Variants in SYT7 observed in about 807,000 individuals in gnomAD.
SYT7 encodes the protein synaptotagmin 7.
A neutral mutation model predicts 75.1 loss-of-function variants in SYT7; 29 were observed. That is an observed-to-expected ratio of 0.39 (90% CI 0.29 to 0.53). The LOEUF is 0.53. Ranked by LOEUF, SYT7 falls within the 20% of genes least tolerant of loss-of-function variation. SYT7 has a pLI of 0.77. For synonymous variants in SYT7, 376 were observed against 401.7 expected, an observed-to-expected ratio of 0.94 and a Z score of 0.76; for missense variants, 693 against 953.2, an observed-to-expected ratio of 0.73 and a Z score of 3.59.
At chr11:61,538,378 AGAGAGAGAGAAAG>A in intron 6 of SYT7, 112 bp from the exon 7 acceptor site, 1 of 913,792 alleles carries the variant, frequency 1.1e-6, no homozygotes, top group South Asian at 1.8e-5. Flanking sequence ...AGAGAGAGAG[AGAGAGAGAGAAAG>A]AGAGAGAGAG....
chr11:61,540,042 CCCCAGTT>C (rs766179989), intron 6 of SYT7: 10 of 152,110 alleles, frequency 6.6e-5, no homozygotes, highest in African/African-American at 1.2e-4. Context: ...CATGTTTTTT[CCCCAGTT>C]AATGCATTTT....
chr11:61,548,663 G>T (rs1237629922), intron 3 of SYT7, among the ~76,000 whole-genome samples: 1 of 152,172 alleles, frequency 6.6e-6, no homozygotes, highest in Admixed American at 6.5e-5. Flanking sequence ...GGGTGCCAGC[G>T]GGGGCACACC....
chr11:61,554,029 G>A (rs1349932873), intron 2 of SYT7, among the ~76,000 whole-genome samples: 1 of 152,110 alleles, frequency 6.6e-6, no homozygotes, highest in Admixed American at 6.5e-5. Flanking sequence ...TCCACAGCAA[G>A]TCAAGAGGGA....
chr11:61,530,408 C>A (rs762444954), intron 8 of SYT7, among the ~76,000 whole-genome samples: 1 of 152,186 alleles, frequency 6.6e-6, no homozygotes, highest in Non-Finnish European at 1.5e-5. Flanking sequence ...TGCTTTTTCC[C>A]GACGCTCTTT....
intron 1 of SYT7, among the ~76,000 whole-genome samples, chr11:61,568,944 C>G (rs2063847670): frequency 6.6e-6 from 1 of 152,232 alleles, no homozygotes; most frequent in African/African-American, 2.4e-5. Context: ...ACACAGTGAG[C>G]TGTGGAACCA....
chr11:61,584,394 C>CAA (rs35108570), upstream of SYT7, among the ~76,000 whole-genome samples: 1,449 of 135,430 alleles, frequency 0.011, 45 homozygotes, highest in Admixed American at 0.064. Flanking sequence ...GACTCCGTCT[C>CAA]AAAAAAAAAA....
intron 2 of SYT7, among the ~76,000 whole-genome samples, chr11:61,552,583 A>C (rs553489733): frequency 3.3e-5 from 5 of 152,322 alleles, no homozygotes; most frequent in South Asian, 2.1e-4. Context: ...TCTCTAAAGC[A>C]GAGTAAGAGC....
In SYT7 at chr11:61,546,824, G is replaced by A. The variant is rs1196807016; in HGVS notation, c.347+353C>T. On this transcript the variant is annotated intron_variant, in intron 4 of 12. Coordinates refer to ENST00000539008, the MANE Select transcript of SYT7 (RefSeq NM_001365809.2). This position sits in a 1 kb window ranked among gnomAD's most constrained non-coding sequence, Gnocchi z 7.6. Reference sequence around the variant, plus strand: ...CAGCACACAGCGGGGAGGAAGAAGCGACCACAACCGAGGGGGCGGGACCCA... The same window carrying A: ...CAGCACACAGCGGGGAGGAAGAAGCAACCACAACCGAGGGGGCGGGACCCA... Among the ~76,000 whole-genome samples the A allele has an allele frequency of 2.0e-5, 3 of 152,046 alleles. No individual in the cohort carries two copies. The highest frequency in any genetic ancestry group is 6.5e-5 in the Admixed American group (1 of 15,278).
chr11:61,564,977 T>C (rs2063729327), intron 1 of SYT7, among the ~76,000 whole-genome samples: 1 of 152,194 alleles, frequency 6.6e-6, no homozygotes, highest in Admixed American at 6.5e-5. Context: ...CCCAGGGACT[T>C]GCCCAGGGCT....
chr11:61,568,362 G>T (rs774844155), intron 1 of SYT7, among the ~76,000 whole-genome samples: 1 of 152,234 alleles, frequency 6.6e-6, no homozygotes, highest in South Asian at 2.1e-4. Flanking sequence ...CTGGAGTCAA[G>T]GGAGTCAAGA....
At chr11:61,519,871 A>T (rs1010649926) in intron 12 of SYT7, among the ~76,000 whole-genome samples, 1 of 152,104 alleles carries the variant, frequency 6.6e-6, no homozygotes, top group African/African-American at 2.4e-5. Flanking sequence ...CCCAGGCTAG[A>T]GTGTAATGGC....
intron 3 of SYT7, among the ~76,000 whole-genome samples, chr11:61,550,211 G>T (rs1237249476): frequency 6.6e-6 from 1 of 152,106 alleles, no homozygotes; most frequent in Non-Finnish European, 1.5e-5. Flanking sequence ...GCCTCCTCTT[G>T]CCCCACCCCA....
chr11:61,538,083 G>C (rs975136185), intron 7 of SYT7, 61 bp downstream of exon 7: 1 of 1,527,714 alleles, frequency 6.5e-7, no homozygotes, highest in Non-Finnish European at 8.8e-7. Flanking sequence ...GTCGAGGCAG[G>C]CGGCCTCTCC....
In SYT7 at chr11:61,553,166, G is replaced by A. The variant is rs2063401165; in HGVS notation, c.136-1703C>T. Among the ~76,000 whole-genome samples the A allele has an allele frequency of 6.6e-6, 1 of 152,138 alleles. No individual in the cohort carries two copies. Among genetic ancestry groups the A allele is most frequent in the Non-Finnish European group, 1.5e-5 (1 of 68,006 alleles). ...AGCTGCCACTCACAGCTCCAACTCC[G>A]ATCCCTCCCATCACTACCCAGAGGT... On this transcript the variant is annotated intron_variant, in intron 2 of 12. Coordinates refer to ENST00000539008, the MANE Select transcript of SYT7 (RefSeq NM_001365809.2). The surrounding 1 kb of genome is among the most constrained non-coding windows in gnomAD (Gnocchi z 5.2).
chr11:61,548,164 G>A (rs1371022153), intron 3 of SYT7, among the ~76,000 whole-genome samples: 1 of 152,240 alleles, frequency 6.6e-6, no homozygotes, highest in Non-Finnish European at 1.5e-5. Flanking sequence ...CCTTGCTGAG[G>A]ATGTCACTAA....
chr11:61,523,863 G>T lies in SYT7; in HGVS notation c.1720C>A (p.Arg574=), dbSNP rs372623413. ...CCGATGTCCATGGCTTTGAGGTTCC[G>T]GGCTTTGATGATGTTCACGATGATG... is the stretch of plus-strand genomic sequence containing the variant. ...NSIIVNIIKA[R]NLKAMDIGGT... The change falls in exon 11 of 13, where the codon CGG becomes AGG. Residue 574 remains arginine (R), a synonymous_variant. Coordinates refer to ENST00000539008, the MANE Select transcript of SYT7 (RefSeq NM_001365809.2). The surrounding 1 kb of genome is among the most constrained non-coding windows in gnomAD (Gnocchi z 5.0). 3.1e-6 allele frequency: 5 copies of T among 1,613,994 alleles called. No homozygotes were observed. In the East Asian group the frequency reaches 8.9e-5, roughly 29 times the overall value.
rs927750465 is a variant in SYT7, at chr11:61,513,997, T to C, written c.*4630A>G. Among the ~76,000 whole-genome samples the C allele has an allele frequency of 6.6e-5, 10 of 151,288 alleles. No individual in the cohort carries two copies. The highest frequency in any genetic ancestry group is 2.2e-4 in the African/African-American group (9 of 41,028). On this transcript the variant is annotated 3_prime_UTR_variant, in exon 13 of 13. Coordinates refer to ENST00000539008, the MANE Select transcript of SYT7 (RefSeq NM_001365809.2). The stretch of plus-strand genomic sequence containing the variant: ...AGGACAGCCTTCCAGAAAGCAGCAG[T>C]ATCCAGGGGGGGACTCACAGGAGAA...
At chr11:61,532,444 G>C (rs1208523400) in intron 8 of SYT7, among the ~76,000 whole-genome samples, 1 of 152,146 alleles carries the variant, frequency 6.6e-6, no homozygotes, top group Non-Finnish European at 1.5e-5. Flanking sequence ...GTGGACAGGA[G>C]CCCCCATCAC....
the SYT7 span, among the ~76,000 whole-genome samples, chr11:61,587,996 GGAGTTGAA>G: frequency 6.6e-6 from 1 of 152,176 alleles, no homozygotes; most frequent in Non-Finnish European, 1.5e-5. Context: ...TGCCCTAACT[GGAGTTGAA>G]GACCTTAGTG....
Sources: gnomAD v4.1 joint callset for allele counts (sites outside exome capture counted in the v4.1 genomes callset) on GRCh38, gnomAD v4.1.1 for gene constraint, Gnocchi (gnomAD v3.1) non-coding constraint, MANE v1.5 for transcripts, NCBI Gene and HGNC (gene_info 2026-07-23, HGNC 2026-07-21) for gene names.